HDAC9: variants seen among roughly 807,000 people sequenced by gnomAD.
HDAC9 encodes the protein histone deacetylase 9.
A neutral mutation model predicts 139.4 loss-of-function variants in HDAC9; 41 were observed. The ratio of observed to expected loss-of-function variants is 0.29; its 90% CI spans 0.23 to 0.38. HDAC9 has a LOEUF of 0.38. Among genes scored for constraint, HDAC9 ranks in the 10% least tolerant of loss-of-function variants. HDAC9 has a pLI of 1.00. For synonymous variants in HDAC9, 517 were observed against 476.2 expected, an observed-to-expected ratio of 1.09 and a Z score of -1.12; for missense variants, 1,147 against 1,297.0, an observed-to-expected ratio of 0.88 and a Z score of 1.78.
chr7:18,725,142 G>A (rs1785441412), intron 12 of HDAC9, among the ~76,000 whole-genome samples: 1 of 152,096 alleles, frequency 6.6e-6, no homozygotes, highest in South Asian at 2.1e-4. Flanking sequence ...TGATATGCTT[G>A]CTGTTAGGGG....
intron 14 of HDAC9, among the ~76,000 whole-genome samples, chr7:18,754,948 A>G (rs1370467374): frequency 1.3e-5 from 2 of 152,202 alleles, no homozygotes; most frequent in Non-Finnish European, 2.9e-5. Context: ...GAAAACTGCA[A>G]GTTAATGGAA....
chr7:18,234,142 A>G (rs1314722506), intron 2 of HDAC9, among the ~76,000 whole-genome samples: 1 of 152,210 alleles, frequency 6.6e-6, no homozygotes, highest in Non-Finnish European at 1.5e-5. Context: ...TTCCAGACAC[A>G]TGTTATATGA....
At chr7:18,314,357 T>C (rs899108209) in intron 1 of HDAC9, among the ~76,000 whole-genome samples, 2 of 152,162 alleles carry the variant, frequency 1.3e-5, no homozygotes, top group Admixed American at 1.3e-4. Context: ...TCTTTCAGGC[T>C]GAAAAATCCC....
At chr7:18,765,290 C>A (rs1037787089) in intron 15 of HDAC9, among the ~76,000 whole-genome samples, 1 of 151,918 alleles carries the variant, frequency 6.6e-6, no homozygotes, top group African/African-American at 2.4e-5. Flanking sequence ...TTTGCTAATT[C>A]TCTTGGGGGT....
intron 1 of HDAC9, among the ~76,000 whole-genome samples, chr7:18,105,902 G>C (rs1425945689): frequency 6.6e-6 from 1 of 152,094 alleles, no homozygotes; most frequent in Admixed American, 6.6e-5. Flanking sequence ...TAATCAAAAA[G>C]GAATGAAGCA....
chr7:18,624,641 A>C (rs1584283032), intron 6 of HDAC9, among the ~76,000 whole-genome samples: 1 of 152,056 alleles, frequency 6.6e-6, no homozygotes, highest in South Asian at 2.1e-4. Flanking sequence ...CCCATTAGTA[A>C]GTCACTGGCA....
At chr7:18,222,482 C>A (rs1466011066) in intron 2 of HDAC9, among the ~76,000 whole-genome samples, 1 of 151,872 alleles carries the variant, frequency 6.6e-6, no homozygotes, top group Non-Finnish European at 1.5e-5. Flanking sequence ...TAGAAATGTC[C>A]CTATTTTTTC....
chr7:18,183,298 G>C (rs146228890), intron 2 of HDAC9, among the ~76,000 whole-genome samples: 1,554 of 152,130 alleles, frequency 0.01, 30 homozygotes, highest in African/African-American at 0.033. Flanking sequence ...CGTGAGCCAC[G>C]GCGCCCAGCC....
chr7:18,339,796 T>C (rs1486255006), intron 1 of HDAC9, among the ~76,000 whole-genome samples: 2 of 151,530 alleles, frequency 1.3e-5, no homozygotes, highest in Admixed American at 1.3e-4. Flanking sequence ...AGATGTGTTA[T>C]TGCACACAAT....
intron 25 of HDAC9, among the ~76,000 whole-genome samples, chr7:18,994,211 A>T (rs759679598): frequency 5.3e-5 from 8 of 152,080 alleles, no homozygotes; most frequent in Non-Finnish European, 1.2e-4. Flanking sequence ...ATTCGGGGGA[A>T]AAGATTATCC....
rs142803352 is a variant in HDAC9 at position 18,666,960 on chromosome 7, T to C, written c.1731+484T>C. On this transcript the variant is annotated intron_variant, in intron 12 of 25. Transcript: ENST00000686413. ...TCACATCACTGTACATAATGTATCA[T>C]ACTATAGTCTTGAACACTGTTAAAG... 1.9e-5 allele frequency: 19 copies of C among 988,518 alleles called. No homozygotes were observed. The African/African-American group carries it at 3.1e-4, about 16-fold the overall frequency. 61.2% of individuals were successfully genotyped at this position (988,518 alleles called of 1,614,324 possible). A position where few individuals can be genotyped will look rare whatever the true frequency, so the allele number is the denominator to read the frequency against.
At chr7:18,450,825 A>G (rs1174154016) in intron 1 of HDAC9, among the ~76,000 whole-genome samples, 3 of 152,234 alleles carry the variant, frequency 2.0e-5, no homozygotes, top group African/African-American at 4.8e-5. Flanking sequence ...TCAGAAGGAA[A>G]GGAGTGTTTG....
chr7:18,421,120 T>G (rs1219091622), intron 1 of HDAC9, among the ~76,000 whole-genome samples: 1 of 152,212 alleles, frequency 6.6e-6, no homozygotes, highest in Non-Finnish European at 1.5e-5. Flanking sequence ...TTGTGTATTC[T>G]TAATGAAAAC....
intron 24 of HDAC9, 47 bp downstream of exon 24, chr7:18,954,277 C>G: frequency 1.8e-6 from 2 of 1,139,212 alleles, no homozygotes; most frequent in East Asian, 2.6e-5. Context: ...GTAAAACTAA[C>G]TAAAATTATA....
chr7:18,747,277 T>C (rs1404863744), intron 13 of HDAC9, among the ~76,000 whole-genome samples: 1 of 152,012 alleles, frequency 6.6e-6, no homozygotes. Context: ...GTGTGGCAAA[T>C]GGAATAGAGT....
At chr7:18,956,260 A>G (rs1783136536) in intron 24 of HDAC9, among the ~76,000 whole-genome samples, 1 of 152,136 alleles carries the variant, frequency 6.6e-6, no homozygotes, top group African/African-American at 2.4e-5. Flanking sequence ...AGCTTGGAGC[A>G]TTACTGATGA....
At chr7:18,818,460 T>G (rs942024267) in intron 17 of HDAC9, among the ~76,000 whole-genome samples, 1 of 152,176 alleles carries the variant, frequency 6.6e-6, no homozygotes, top group Non-Finnish European at 1.5e-5. Flanking sequence ...ATCAACTACT[T>G]TCAACAAAGA....
In HDAC9 at chr7:18,744,050, CT is replaced by C. The variant is rs1439607389; in HGVS notation, c.1910-4953del. On this transcript the variant is annotated intron_variant, in intron 13 of 25. Coordinates refer to ENST00000686413, the MANE Select transcript of HDAC9 (RefSeq NM_178425.4). ...TTTTTTTTTGAGATGGAGTTTCGCTCTTGTTACCCAGGCTGGAGTGCAACAG... is the reference window on the plus strand; with the variant it reads ...TTTTTTTTTGAGATGGAGTTTCGCTCTGTTACCCAGGCTGGAGTGCAACAG... 1.7e-5 allele frequency among the ~76,000 whole-genome samples: 2 copies of C among 118,200 alleles called. 1 individual carries two copies. The allele number at this position is 118,200 out of a possible 152,430, so 77.5% of individuals were successfully genotyped here.
At chr7:18,167,678 A>G (rs1340273265) in intron 2 of HDAC9, among the ~76,000 whole-genome samples, 1 of 152,172 alleles carries the variant, frequency 6.6e-6, no homozygotes, top group Non-Finnish European at 1.5e-5. Context: ...GAAATTGAAG[A>G]GGTGCATTGA....
Sources: gnomAD v4.1 joint callset for allele counts (sites outside exome capture counted in the v4.1 genomes callset) on GRCh38, gnomAD v4.1.1 for gene constraint, MANE v1.5 for transcripts, NCBI Gene and HGNC (gene_info 2026-07-23, HGNC 2026-07-21) for gene names.